GRM7: variants seen among roughly 807,000 people sequenced by gnomAD.
GRM7 encodes glutamate metabotropic receptor 7.
A neutral mutation model predicts 84.5 loss-of-function variants in GRM7; 35 were observed. The ratio of observed to expected loss-of-function variants is 0.41; its 90% CI spans 0.32 to 0.55. The LOEUF is 0.55. GRM7 is among the 20% of genes least tolerant of loss of function. The pLI is 0.19. For synonymous variants in GRM7, 487 were observed against 455.1 expected, an observed-to-expected ratio of 1.07 and a Z score of -0.89; for missense variants, 1,003 against 1,194.6, an observed-to-expected ratio of 0.84 and a Z score of 2.36.
intron 7 of GRM7, among the ~76,000 whole-genome samples, chr3:7,479,757 T>A (rs1021439776): frequency 2.6e-5 from 4 of 152,160 alleles, no homozygotes; most frequent in African/African-American, 7.2e-5. Context: ...GGTCAAGGTT[T>A]ATAGGCAATA....
chr3:7,064,971 G>A (rs1268771249), intron 1 of GRM7, among the ~76,000 whole-genome samples: 1 of 151,728 alleles, frequency 6.6e-6, no homozygotes, highest in Non-Finnish European at 1.5e-5. Context: ...ATGTTCATTG[G>A]CCATTTGTAT....
intron 1 of GRM7, among the ~76,000 whole-genome samples, chr3:7,068,867 G>T (rs1697763028): frequency 6.6e-6 from 1 of 151,746 alleles, no homozygotes; most frequent in African/African-American, 2.4e-5. Context: ...AAGCCTAGTG[G>T]CTTCATTGGC....
intron 1 of GRM7, among the ~76,000 whole-genome samples, chr3:7,125,937 G>A (rs1693384018): frequency 6.6e-6 from 1 of 152,266 alleles, no homozygotes; most frequent in South Asian, 2.1e-4. Context: ...ATAGAAATGG[G>A]ATTTATCCGT....
chr3:7,671,910 C>A (rs1699933301), intron 8 of GRM7, among the ~76,000 whole-genome samples: 1 of 152,034 alleles, frequency 6.6e-6, no homozygotes, highest in African/African-American at 2.4e-5. Flanking sequence ...ATTCTAGTAA[C>A]AAACTTCTTG....
chr3:7,434,653 A>T (rs548513664), intron 5 of GRM7, among the ~76,000 whole-genome samples: 66 of 152,270 alleles, frequency 4.3e-4, no homozygotes, highest in African/African-American at 1.6e-3. Flanking sequence ...CCTGATCATG[A>T]TGTATCTATT....
intron 1 of GRM7, among the ~76,000 whole-genome samples, chr3:6,871,460 T>G (rs972769040): frequency 6.6e-6 from 1 of 152,104 alleles, no homozygotes; most frequent in African/African-American, 2.4e-5. Flanking sequence ...TATCTTAAAA[T>G]ATGCCTATGC....
chr3:7,384,784 C>T (rs1559284297), intron 4 of GRM7, among the ~76,000 whole-genome samples: 1 of 152,114 alleles, frequency 6.6e-6, no homozygotes, highest in Non-Finnish European at 1.5e-5. Flanking sequence ...TTTAGCTCTA[C>T]CTGGCTACAG....
chr3:7,379,835 G>T (rs908019751), intron 4 of GRM7, among the ~76,000 whole-genome samples: 3 of 151,948 alleles, frequency 2.0e-5, no homozygotes, highest in Non-Finnish European at 4.4e-5. Context: ...AGTTGCCCAG[G>T]GTGCAGTATT....
chr3:6,904,352 G>A (rs903924630), intron 1 of GRM7, among the ~76,000 whole-genome samples: 4 of 152,016 alleles, frequency 2.6e-5, no homozygotes, highest in African/African-American at 9.7e-5. Context: ...AACTGTATGG[G>A]TTTAAGTCTC....
At chr3:7,030,291 C>T (rs1021565721) in intron 1 of GRM7, among the ~76,000 whole-genome samples, 1 of 152,082 alleles carries the variant, frequency 6.6e-6, no homozygotes, top group Admixed American at 6.6e-5. Context: ...TAGGTTTGTA[C>T]GTGTGTGTCA....
chr3:7,351,005 C>A (rs1693116394), intron 4 of GRM7, among the ~76,000 whole-genome samples: 1 of 152,062 alleles, frequency 6.6e-6, no homozygotes, highest in Non-Finnish European at 1.5e-5. Context: ...TATATCAAAA[C>A]TTCTGTGAGA....
intron 7 of GRM7, among the ~76,000 whole-genome samples, chr3:7,477,631 C>T (rs1301286717): frequency 1.3e-5 from 2 of 152,096 alleles, no homozygotes; most frequent in Non-Finnish European, 2.9e-5. Context: ...CTGAGATGTG[C>T]GTCTTTATTC....
intron 2 of GRM7, among the ~76,000 whole-genome samples, chr3:7,166,181 A>G (rs1302184822): frequency 1.3e-5 from 2 of 152,286 alleles, no homozygotes; most frequent in South Asian, 4.1e-4. Context: ...TTGAGCCGGT[A>G]TTTAAATTAT....
intron 4 of GRM7, among the ~76,000 whole-genome samples, chr3:7,377,493 A>G (rs1451358525): frequency 6.6e-6 from 1 of 152,202 alleles, no homozygotes; most frequent in Non-Finnish European, 1.5e-5. Flanking sequence ...ATCAGTGATG[A>G]GAGTGGTGGT....
chr3:7,410,571 C>CAAAA (rs200197427), intron 4 of GRM7, among the ~76,000 whole-genome samples: 31 of 139,094 alleles, frequency 2.2e-4, no homozygotes, highest in African/African-American at 7.6e-4. Context: ...GACCCTGTCT[C>CAAAA]AAAAAAACAA....
chr3:6,884,033 T>C (rs981538486), intron 1 of GRM7, among the ~76,000 whole-genome samples: 4 of 152,236 alleles, frequency 2.6e-5, no homozygotes, highest in African/African-American at 9.6e-5. Context: ...ACAGTATCAG[T>C]GAGATGACAT....
intron 1 of GRM7, among the ~76,000 whole-genome samples, chr3:7,026,888 C>T (rs925311515): frequency 6.6e-6 from 1 of 152,208 alleles, no homozygotes; most frequent in African/African-American, 2.4e-5. Flanking sequence ...CCACAGTGAC[C>T]TTTCCAGCTT....
At chr3:6,919,924 C>G (rs1697067712) in intron 1 of GRM7, among the ~76,000 whole-genome samples, 2 of 152,068 alleles carry the variant, frequency 1.3e-5, no homozygotes, top group South Asian at 2.1e-4. Context: ...AGAGGTGAAG[C>G]TTAGTTTCTG....
intron 4 of GRM7, among the ~76,000 whole-genome samples, chr3:7,376,773 A>T (rs911367727): frequency 1.6e-4 from 24 of 152,032 alleles, no homozygotes; most frequent in African/African-American, 4.8e-4. Flanking sequence ...AGAAAAGAAA[A>T]TTGCTGACCT....
Sources: gnomAD v4.1 joint callset for allele counts (sites outside exome capture counted in the v4.1 genomes callset) on GRCh38, gnomAD v4.1.1 for gene constraint, MANE v1.5 for transcripts, NCBI Gene and HGNC (gene_info 2026-07-23, HGNC 2026-07-21) for gene names.